Variants in GABBR2 observed in about 807,000 individuals in gnomAD.
GABBR2 encodes G-protein coupled receptor 51.
GABBR2 carries 23 observed loss-of-function variants against 105.6 expected under a neutral mutation model. That is an observed-to-expected ratio of 0.22 (90% CI 0.16 to 0.31). GABBR2 has a LOEUF of 0.31. Ranked by LOEUF, GABBR2 falls within the 10% of genes least tolerant of loss-of-function variation. GABBR2 has a pLI of 1.00. For missense variants in GABBR2, 734 were observed against 1,245.5 expected (o/e 0.59, Z 6.18); for synonymous variants, 478 against 499.7 (o/e 0.96, Z 0.58).
At chr9:98,566,750 G>A (rs1828756232) in intron 2 of GABBR2, among the ~76,000 whole-genome samples, 1 of 148,596 alleles carries the variant, frequency 6.7e-6, no homozygotes, top group Non-Finnish European at 1.5e-5. Context: ...GGGAGGCTGA[G>A]GTGGGAGGAT....
At chr9:98,633,452 G>A (rs963372154) in intron 1 of GABBR2, among the ~76,000 whole-genome samples, 105 of 151,872 alleles carry the variant, frequency 6.9e-4, no homozygotes, top group African/African-American at 2.3e-3. Flanking sequence ...GTGAAACCCC[G>A]TCTCTACTAA....
rs1391382471 is a variant in GABBR2 at position 98,288,734 on chromosome 9, T to TAACA, written c.*1846_*1849dup. ...GACTTCAACTTGACCTGTGATGTGT[T>TAACA]AACATTTTTTTTTCCCTAAAAGCTA... On this transcript the variant is annotated 3_prime_UTR_variant, in exon 19 of 19. Coordinates refer to ENST00000259455, the MANE Select transcript of GABBR2 (RefSeq NM_005458.8). The TAACA allele has an allele frequency of 6.6e-6, 1 of 152,604 alleles. No individual in the cohort carries two copies. The highest frequency in any genetic ancestry group is 2.4e-5 in the African/African-American group (1 of 41,456). 9.5% of individuals were successfully genotyped at this position (152,604 alleles called of 1,614,324 possible).
intron 1 of GABBR2, among the ~76,000 whole-genome samples, chr9:98,671,229 C>T (rs1171540962): frequency 6.6e-6 from 1 of 152,114 alleles, no homozygotes; most frequent in Non-Finnish European, 1.5e-5. Context: ...CTATTCTGGA[C>T]ATTTCACACG....
intron 8 of GABBR2, among the ~76,000 whole-genome samples, chr9:98,399,582 C>A (rs1832354105): frequency 1.3e-5 from 2 of 152,116 alleles, no homozygotes; most frequent in South Asian, 4.1e-4. Context: ...CCCCACCAAC[C>A]CCCATACCCA....
intron 1 of GABBR2, among the ~76,000 whole-genome samples, chr9:98,675,191 G>A (rs1830458773): frequency 6.6e-6 from 1 of 152,206 alleles, no homozygotes; most frequent in African/African-American, 2.4e-5. Context: ...CTGCCATGAA[G>A]TGGGAACCAA....
At chr9:98,422,417 C>T (rs1285415122) in intron 7 of GABBR2, among the ~76,000 whole-genome samples, 1 of 152,078 alleles carries the variant, frequency 6.6e-6, no homozygotes, top group African/African-American at 2.4e-5. Context: ...TCCATATACT[C>T]TTTGACCCAG....
chr9:98,581,601 G>A (rs950511865), intron 1 of GABBR2, among the ~76,000 whole-genome samples: 1 of 151,874 alleles, frequency 6.6e-6, no homozygotes, highest in Admixed American at 6.6e-5. Flanking sequence ...TTGATTGAAA[G>A]CAACACTTCT....
Position 98,300,546 on chromosome 9 carries a change from C to T in GABBR2, c.2413-1193G>A, listed in dbSNP as rs143840004. 8.7e-3 allele frequency among the ~76,000 whole-genome samples: 1,327 copies of T among 152,222 alleles called. 54 individuals carry two copies. Among genetic ancestry groups the T allele is most frequent in the Admixed American group, 0.062 (942 of 15,282 alleles). On this transcript the variant is annotated intron_variant, in intron 16 of 18. Coordinates refer to ENST00000259455, the MANE Select transcript of GABBR2 (RefSeq NM_005458.8). ...GTTGGTAGTTGTTGGGGGTGGTAGTCGGGATGGGTGTTGAACATCTGTGAT... is the reference window on the plus strand; with the variant it reads ...GTTGGTAGTTGTTGGGGGTGGTAGTTGGGATGGGTGTTGAACATCTGTGAT...
intron 9 of GABBR2, among the ~76,000 whole-genome samples, chr9:98,389,454 A>T (rs2131497238): frequency 6.6e-6 from 1 of 152,306 alleles, no homozygotes; most frequent in East Asian, 1.9e-4. Context: ...AACAGGATGG[A>T]CACCTTGCCT....
chr9:98,552,067 ACTCAT>A (rs1308791138), intron 2 of GABBR2: 1 of 152,142 alleles, frequency 6.6e-6, no homozygotes, highest in African/African-American at 2.4e-5. Flanking sequence ...AAAAATGTAA[ACTCAT>A]CTCCCAGCTT....
intron 14 of GABBR2, among the ~76,000 whole-genome samples, chr9:98,308,889 C>G (rs1163990939): frequency 2.0e-5 from 3 of 152,222 alleles, no homozygotes; most frequent in Non-Finnish European, 4.4e-5. Context: ...CCACGAATGG[C>G]ACAGGCTCCT....
Position 98,348,091 on chromosome 9 carries a change from G to C in GABBR2, c.1893+14624C>G, listed in dbSNP as rs116651972. ...CTTTTTAATTTACCCAGTCTTGGGTGTGTCTTTATTAGCAGTGTGAGAGCA... is the reference window on the plus strand; with the variant it reads ...CTTTTTAATTTACCCAGTCTTGGGTCTGTCTTTATTAGCAGTGTGAGAGCA... On this transcript the variant is annotated intron_variant, in intron 13 of 18. Coordinates refer to ENST00000259455, the MANE Select transcript of GABBR2 (RefSeq NM_005458.8). Among the ~76,000 whole-genome samples the C allele has an allele frequency of 3.3e-3, 495 of 152,276 alleles. 2 individuals are homozygous for C. The highest frequency in any genetic ancestry group is 0.011 in the African/African-American group (467 of 41,562).
rs138023254 is a variant in GABBR2, at chr9:98,466,031, C to G, written c.999+7115G>C. Among the ~76,000 whole-genome samples, 160 of 152,286 alleles carry G rather than the reference C, an allele frequency of 1.1e-3. 2 individuals are homozygous for G. The highest frequency in any genetic ancestry group is 3.5e-3 in the African/African-American group (147 of 41,554). On this transcript the variant is annotated intron_variant, in intron 6 of 18. Transcript: ENST00000259455. Reference sequence around the variant, plus strand: ...TGTTTAAAAGGGTGTAGCACCTCCCCCTTTGCTCTCTTCCTCCTGCTTCCT... The same window carrying G: ...TGTTTAAAAGGGTGTAGCACCTCCCGCTTTGCTCTCTTCCTCCTGCTTCCT...
intron 3 of GABBR2, among the ~76,000 whole-genome samples, chr9:98,526,787 A>G (rs934113911): frequency 3.3e-5 from 5 of 152,280 alleles, no homozygotes; most frequent in African/African-American, 1.2e-4. Context: ...TTGTCACACT[A>G]ATAGATCAAA....
At chr9:98,690,311 C>G (rs1179202395) in intron 1 of GABBR2, among the ~76,000 whole-genome samples, 1 of 152,188 alleles carries the variant, frequency 6.6e-6, no homozygotes, top group Admixed American at 6.5e-5. Flanking sequence ...TTCCAAGATC[C>G]AACCCCGTAT....
At chr9:98,312,387 A>G (rs570016870) in intron 13 of GABBR2, among the ~76,000 whole-genome samples, 11 of 152,308 alleles carry the variant, frequency 7.2e-5, no homozygotes, top group Non-Finnish European at 1.5e-4. Context: ...TGAATGTTTT[A>G]TATTCAGATT....
At chr9:98,422,978 A>G (rs1832811248) in intron 7 of GABBR2, among the ~76,000 whole-genome samples, 1 of 152,144 alleles carries the variant, frequency 6.6e-6, no homozygotes. Flanking sequence ...TCCATGGTGT[A>G]TATGTGCCAC....
intron 6 of GABBR2, among the ~76,000 whole-genome samples, chr9:98,463,285 T>C (rs1826457196): frequency 6.6e-6 from 1 of 152,216 alleles, no homozygotes; most frequent in Non-Finnish European, 1.5e-5. Flanking sequence ...AATTCATGGA[T>C]TGGAAGACTT....
In GABBR2 at chr9:98,658,343, C is replaced by A. The variant is rs1202529692; in HGVS notation, c.321+50074G>T. ...TGGGCATCCCTATTTATTTATAAAG[C>A]TCCCCAGGTGCTCCATGGGTACAGC... On this transcript the variant is annotated intron_variant, in intron 1 of 18. Transcript: ENST00000259455. Among the ~76,000 whole-genome samples, 7 of 152,250 alleles carry A rather than the reference C, an allele frequency of 4.6e-5. No homozygotes were observed. The East Asian group carries it at 1.2e-3, about 25-fold the overall frequency.
Sources: gnomAD v4.1 joint callset for allele counts (sites outside exome capture counted in the v4.1 genomes callset) on GRCh38, gnomAD v4.1.1 for gene constraint, MANE v1.5 for transcripts, NCBI Gene and HGNC (gene_info 2026-07-23, HGNC 2026-07-21) for gene names.